PLB1: variants seen among roughly 807,000 people sequenced by gnomAD.
PLB1 encodes the protein phospholipase B1, membrane-associated.
In PLB1, 242 loss-of-function variants were observed where a neutral mutation model predicts 227.4. The ratio of observed to expected loss-of-function variants is 1.06; its 90% CI spans 0.96 to 1.18. The LOEUF (loss-of-function observed/expected upper bound fraction) is 1.18. Ranked by LOEUF, PLB1 falls within the 50% of genes most tolerant of loss-of-function variation. The pLI is 0.00. For missense variants in PLB1, 1,858 were observed against 1,816.3 expected, an observed-to-expected ratio of 1.02 and a Z score of -0.42; for synonymous variants, 757 against 682.2, an observed-to-expected ratio of 1.11 and a Z score of -1.71.
At chr2:28,615,097 TGAG>T (rs1156654052) in intron 44 of PLB1, among the ~76,000 whole-genome samples, 4 of 152,014 alleles carry the variant, frequency 2.6e-5, no homozygotes, top group South Asian at 2.1e-4. Context: ...ACATGCATAA[TGAG>T]GAGACACTTG....
At chr2:28,550,130 G>T (rs776967877) in intron 16 of PLB1, 46 bp downstream of exon 16, 3 of 1,447,762 alleles carry the variant, frequency 2.1e-6, no homozygotes, top group Non-Finnish European at 2.9e-6. Context: ...GATGAACCAG[G>T]GGCTGTACTT....
intron 9 of PLB1, among the ~76,000 whole-genome samples, chr2:28,535,707 G>T (rs1671590820): frequency 6.6e-6 from 1 of 152,128 alleles, no homozygotes; most frequent in African/African-American, 2.4e-5. Flanking sequence ...GATCACTTGA[G>T]GTTAGGAGTT....
rs773787854 is a variant in PLB1 at position 28,618,334 on chromosome 2, C to T, written c.3257-7C>T. 4.3e-6 allele frequency: 7 copies of T among 1,613,886 alleles called. No homozygotes were observed. In the Admixed American group the frequency reaches 1.0e-4, roughly 23 times the overall value. ...CCCACAACCACCTCTCTGCTTGTCT[C>T]CCCTAGTCCACCAGCTCCGACCAGC... is the stretch of plus-strand genomic sequence containing the variant. On this transcript the variant is annotated splice_polypyrimidine_tract_variant and splice_region_variant and intron_variant, in intron 45 of 57. Coordinates refer to ENST00000327757, the MANE Select transcript of PLB1 (RefSeq NM_153021.5).
rs1256011922 is a variant in PLB1, at chr2:28,643,101, C to A, written c.*40C>A. 1 of 1,507,124 alleles carries A rather than the reference C, an allele frequency of 6.6e-7. No homozygotes were observed. The highest frequency in any genetic ancestry group is 1.4e-5 in the African/African-American group (1 of 72,680). The allele number at this position is 1,507,124 out of a possible 1,614,324, so 93.4% of individuals were successfully genotyped here. A position where few individuals can be genotyped will look rare whatever the true frequency, so the allele number is the denominator to read the frequency against. On this transcript the variant is annotated 3_prime_UTR_variant, in exon 58 of 58. Transcript: ENST00000327757. ...CCTCACCCTAAACTCCCTATAGCCA[C>A]TCTCTTCACCGCCCTCTGCCCCAGC...
chr2:28,572,198 C>A (rs916853548), intron 20 of PLB1, among the ~76,000 whole-genome samples: 1 of 152,148 alleles, frequency 6.6e-6, no homozygotes, highest in Non-Finnish European at 1.5e-5. Context: ...ATCAAAACCA[C>A]CATGAGATAC....
At chr2:28,627,410 C>G (rs1237987021) in intron 51 of PLB1, among the ~76,000 whole-genome samples, 1 of 152,172 alleles carries the variant, frequency 6.6e-6, no homozygotes, top group Non-Finnish European at 1.5e-5. Flanking sequence ...CTACTAGTCC[C>G]AGGATGTGTG....
intron 33 of PLB1, 103 bp downstream of exon 33, chr2:28,593,857 T>C: frequency 9.6e-7 from 1 of 1,036,814 alleles, no homozygotes; most frequent in South Asian, 1.4e-5. Flanking sequence ...GAAGACTTGG[T>C]CTGGAAGGGG....
chr2:28,561,094 C>A (rs1675992645), intron 17 of PLB1, among the ~76,000 whole-genome samples: 1 of 152,244 alleles, frequency 6.6e-6, no homozygotes, highest in South Asian at 2.1e-4. Flanking sequence ...GATCATCCCT[C>A]CAGCTCTATA....
intron 1 of PLB1, among the ~76,000 whole-genome samples, chr2:28,505,057 G>A (rs992082009): frequency 2.0e-5 from 3 of 152,186 alleles, no homozygotes; most frequent in Admixed American, 2.0e-4. Context: ...CTAAATTCAT[G>A]GTGTGAGGCT....
Position 28,585,854 on chromosome 2 carries a change from AG to A in PLB1, c.1815+16del. Reference sequence around the variant, plus strand: ...ACAAGAAGTTTCAGGTAAGCCGGGAAGGGGTTCTAAGACTTCCCAGAACTGC... The same window carrying A: ...ACAAGAAGTTTCAGGTAAGCCGGGAAGGGTTCTAAGACTTCCCAGAACTGC... On this transcript the variant is annotated intron_variant, in intron 26 of 57. Coordinates refer to ENST00000327757, the MANE Select transcript of PLB1 (RefSeq NM_153021.5). 1 of 1,579,010 alleles carries A rather than the reference AG, an allele frequency of 6.3e-7. No homozygotes were observed. The highest frequency in any genetic ancestry group is 8.7e-7 in the Non-Finnish European group (1 of 1,148,180).
chr2:28,581,925 C>T, intron 23 of PLB1, 143 bp from the exon 24 acceptor site: 1 of 670,382 alleles, frequency 1.5e-6, no homozygotes, highest in Non-Finnish European at 2.5e-6. Context: ...CACACCACTG[C>T]ACTCCAGCCC....
intron 22 of PLB1, among the ~76,000 whole-genome samples, chr2:28,579,239 G>C (rs1170793601): frequency 1.3e-5 from 2 of 152,166 alleles, no homozygotes; most frequent in Non-Finnish European, 2.9e-5. Flanking sequence ...TAGAATTCAG[G>C]ATTTCTAGAA....
At chr2:28,584,593 C>T (rs966097156) in intron 25 of PLB1, among the ~76,000 whole-genome samples, 1 of 152,190 alleles carries the variant, frequency 6.6e-6, no homozygotes, top group Non-Finnish European at 1.5e-5. Context: ...GGCCCATTCA[C>T]AGATCTGAGA....
intron 43 of PLB1, among the ~76,000 whole-genome samples, chr2:28,608,773 C>T (rs1685040412): frequency 6.6e-6 from 1 of 152,100 alleles, no homozygotes; most frequent in Non-Finnish European, 1.5e-5. Context: ...AAATTCACTC[C>T]TTCCTGGGTT....
chr2:28,566,712 C>T (rs1221492178), intron 19 of PLB1, 84 bp from the exon 20 acceptor site: 1 of 1,466,184 alleles, frequency 6.8e-7, no homozygotes, highest in South Asian at 1.1e-5. Context: ...TCTCGGGAGA[C>T]GGGCGTTTCT....
intron 56 of PLB1, among the ~76,000 whole-genome samples, chr2:28,635,810 A>C (rs946869313): frequency 1.3e-5 from 2 of 151,910 alleles, no homozygotes; most frequent in Non-Finnish European, 2.9e-5. Context: ...CTAGTCCTCT[A>C]CTGCTGCCTC....
At chr2:28,625,005 A>G in intron 49 of PLB1, 52 bp from the exon 50 acceptor site, 1 of 1,550,574 alleles carries the variant, frequency 6.4e-7, no homozygotes, top group South Asian at 1.1e-5. Flanking sequence ...CCATGTCGTG[A>G]GTCCTCGCTC....
intron 18 of PLB1, among the ~76,000 whole-genome samples, chr2:28,564,541 C>T (rs1239271830): frequency 6.6e-6 from 1 of 152,222 alleles, no homozygotes; most frequent in African/African-American, 2.4e-5. Flanking sequence ...TCCCTGGTCT[C>T]CTTGAAGATA....
intron 16 of PLB1, 86 bp downstream of exon 16, chr2:28,550,170 G>GT (rs61081790): frequency 0.23 from 161,583 of 718,008 alleles, 365 homozygotes; most frequent in South Asian, 0.31. Flanking sequence ...CTTCCACGTG[G>GT]TTTTTTTTTT....
Sources: allele counts gnomAD v4.1 joint callset (sites outside exome capture counted in the v4.1 genomes callset), GRCh38; gene constraint gnomAD v4.1.1; transcripts MANE v1.5; gene names NCBI Gene and HGNC (gene_info 2026-07-23, HGNC 2026-07-21).